The following ROBO2 variants were observed in gnomAD, a reference collection of about 807,000 sequenced individuals.
The protein encoded by ROBO2 is roundabout guidance receptor 2, also known as roundabout homolog 2.
ROBO2 carries 53 observed loss-of-function variants against 160.8 expected under a neutral mutation model. The ratio of observed to expected loss-of-function variants is 0.33; its 90% CI spans 0.26 to 0.41. The LOEUF (loss-of-function observed/expected upper bound fraction) is 0.41, where lower values mean the gene tolerates loss of function less well. Among genes scored for constraint, ROBO2 ranks in the 10% least tolerant of loss-of-function variants. The pLI is 1.00. For synonymous variants in ROBO2, 664 were observed against 611.7 expected (o/e 1.09, Z -1.26); for missense variants, 1,577 against 1,722.4 (o/e 0.92, Z 1.49).
rs567655107 is a variant in ROBO2, at chr3:76,649,561, T to C, written c.110-448453T>C. On this transcript the variant is annotated intron_variant, in intron 2 of 26. Transcript: ENST00000487694. ...CTTTTCTAAAATAAGAAGTTAAAAA[T>C]TTATTAGGTTTAAAAGGAGGTGAGA... Among the ~76,000 whole-genome samples the C allele has an allele frequency of 6.6e-5, 10 of 152,228 alleles. No homozygotes were observed. In the South Asian group the frequency reaches 2.1e-3, roughly 32 times the overall value.
chr3:76,893,891 T>C (rs1395398649), intron 2 of ROBO2, among the ~76,000 whole-genome samples: 1 of 152,130 alleles, frequency 6.6e-6, no homozygotes, highest in Non-Finnish European at 1.5e-5. Flanking sequence ...GATCAACTTT[T>C]TAGCTCCCAT....
chr3:77,022,182 C>T (rs2062680147), intron 2 of ROBO2, among the ~76,000 whole-genome samples: 1 of 152,176 alleles, frequency 6.6e-6, no homozygotes, highest in Non-Finnish European at 1.5e-5. Context: ...CCCGCCTGGC[C>T]AACATGGCGA....
chr3:76,851,120 A>G (rs1378775244), intron 2 of ROBO2, among the ~76,000 whole-genome samples: 3 of 152,202 alleles, frequency 2.0e-5, no homozygotes, highest in Non-Finnish European at 2.9e-5. Flanking sequence ...CATTTATTCC[A>G]CAAAATTGGC....
chr3:76,974,636 C>T (rs778688818), intron 2 of ROBO2, among the ~76,000 whole-genome samples: 3 of 152,120 alleles, frequency 2.0e-5, no homozygotes, highest in Non-Finnish European at 4.4e-5. Context: ...GTTTAAGGAA[C>T]CTCTCTGATA....
At chr3:77,533,609 C>T (rs149755309) in intron 6 of ROBO2, among the ~76,000 whole-genome samples, 132 of 152,232 alleles carry the variant, frequency 8.7e-4, no homozygotes, top group African/African-American at 3.1e-3. Flanking sequence ...CTTCAGCCTT[C>T]GCACATTGCT....
chr3:76,175,592 A>C (rs75596325), intron 2 of ROBO2, among the ~76,000 whole-genome samples: 3,847 of 152,108 alleles, frequency 0.025, 250 homozygotes, highest in East Asian at 0.22. Flanking sequence ...TTTCTACACC[A>C]TATGTCTGTA....
At chr3:77,411,414 G>A (rs1352032983) in intron 2 of ROBO2, among the ~76,000 whole-genome samples, 1 of 152,048 alleles carries the variant, frequency 6.6e-6, no homozygotes, top group Non-Finnish European at 1.5e-5. Flanking sequence ...GTGAAAAATG[G>A]CATTATATGT....
intron 2 of ROBO2, among the ~76,000 whole-genome samples, chr3:76,542,868 T>TCTAA (rs2108254480): frequency 6.6e-6 from 1 of 152,298 alleles, no homozygotes; most frequent in East Asian, 1.9e-4. Flanking sequence ...CATTTTCAAT[T>TCTAA]CTAACTATAC....
chr3:77,556,082 A>T (rs111885791), intron 8 of ROBO2, among the ~76,000 whole-genome samples: 3,315 of 152,006 alleles, frequency 0.022, 100 homozygotes, highest in East Asian at 0.13. Flanking sequence ...ATTTGGAAAA[A>T]AAATCGTTTA....
chr3:76,149,083 T>G (rs2072037933), intron 2 of ROBO2, among the ~76,000 whole-genome samples: 2 of 151,306 alleles, frequency 1.3e-5, no homozygotes, highest in East Asian at 2.0e-4. Flanking sequence ...ACTCACTCAG[T>G]TTTTTTTTGT....
At chr3:77,094,651 C>T (rs1242283886) in intron 1 of ROBO2, among the ~76,000 whole-genome samples, 1 of 152,134 alleles carries the variant, frequency 6.6e-6, no homozygotes, top group African/African-American at 2.4e-5. Flanking sequence ...TTCACACTAG[C>T]AATGGATGAG....
chr3:76,709,973 A>G (rs953008959), intron 2 of ROBO2, among the ~76,000 whole-genome samples: 1 of 152,186 alleles, frequency 6.6e-6, no homozygotes, highest in East Asian at 1.9e-4. Context: ...TCTCAACACA[A>G]CTTTAGAGGT....
chr3:76,102,631 T>C (rs952642104), intron 2 of ROBO2, among the ~76,000 whole-genome samples: 2 of 152,152 alleles, frequency 1.3e-5, no homozygotes, highest in Non-Finnish European at 2.9e-5. Context: ...AAGTGTGCAT[T>C]GGATTTAGTG....
chr3:77,320,415 A>G (rs553286492), intron 2 of ROBO2, among the ~76,000 whole-genome samples: 21 of 152,270 alleles, frequency 1.4e-4, no homozygotes, highest in Non-Finnish European at 2.9e-4. Flanking sequence ...AAGGAATAAG[A>G]TTGCACTTTG....
At chr3:76,722,252 C>A (rs1048973705) in intron 2 of ROBO2, among the ~76,000 whole-genome samples, 1 of 152,054 alleles carries the variant, frequency 6.6e-6, no homozygotes, top group Non-Finnish European at 1.5e-5. Context: ...TCCCAAGTAG[C>A]CGGGATTACA....
intron 2 of ROBO2, among the ~76,000 whole-genome samples, chr3:76,834,082 C>CTT (rs1553651245): frequency 9.6e-6 from 1 of 104,384 alleles, no homozygotes; most frequent in Non-Finnish European, 2.0e-5. Context: ...TTCTTTCTTT[C>CTT]TTTCTTTCTT....
Position 77,113,480 on chromosome 3 carries a change from G to C in ROBO2, c.388+15140G>C, listed in dbSNP as rs574898098. On this transcript the variant is annotated intron_variant, in intron 2 of 25. Transcript: ENST00000461745. ...TCTTCAAATGTGTATGTCATTAATA[G>C]AGATGTAAGAATCTCAATGTGCTTT... Among the ~76,000 whole-genome samples, 3 of 152,282 alleles carry C rather than the reference G, an allele frequency of 2.0e-5. No individual in the cohort carries two copies. The South Asian group carries it at 6.2e-4, about 32-fold the overall frequency.
At chr3:76,131,392 C>T (rs983959919) in intron 2 of ROBO2, among the ~76,000 whole-genome samples, 1 of 152,018 alleles carries the variant, frequency 6.6e-6, no homozygotes, top group African/African-American at 2.4e-5. Context: ...TTACATGTTA[C>T]GACTGTTCCT....
chr3:77,450,940 C>T (rs2081054497), intron 2 of ROBO2, among the ~76,000 whole-genome samples: 1 of 150,664 alleles, frequency 6.6e-6, no homozygotes, highest in Non-Finnish European at 1.5e-5. Context: ...TCATTGAAGG[C>T]ATATTTGAAA....
Sources: allele counts gnomAD v4.1 joint callset (sites outside exome capture counted in the v4.1 genomes callset), GRCh38; gene constraint gnomAD v4.1.1; transcripts MANE v1.5; gene names NCBI Gene and HGNC (gene_info 2026-07-23, HGNC 2026-07-21).